Variants in TMOD3 observed in about 807,000 individuals in gnomAD.
TMOD3 encodes tropomodulin 3.
In TMOD3, 20 loss-of-function variants were observed where a neutral mutation model predicts 39.2. The observed-to-expected ratio is 0.51, with a 90% CI of 0.36 to 0.74. The LOEUF is 0.74. TMOD3 is among the 30% of genes least tolerant of loss of function. The pLI is 0.00. For missense variants in TMOD3, 381 were observed against 412.8 expected (o/e 0.92, Z 0.67); for synonymous variants, 143 against 145.8 (o/e 0.98, Z 0.14).
At chr15:51,903,414 G>A (rs1829630035) in intron 9 of TMOD3, among the ~76,000 whole-genome samples, 1 of 152,206 alleles carries the variant, frequency 6.6e-6, no homozygotes. Flanking sequence ...ACATTTCAAC[G>A]TGTTGCCATT....
At chr15:51,873,915 C>G (rs1312028901) in intron 3 of TMOD3, among the ~76,000 whole-genome samples, 1 of 152,202 alleles carries the variant, frequency 6.6e-6, no homozygotes, top group Non-Finnish European at 1.5e-5. Flanking sequence ...GCCACTGCAC[C>G]TGGCCGACTG....
chr15:51,869,148 G>A, intron 2 of TMOD3, 69 bp from the exon 3 acceptor site: 2 of 1,519,000 alleles, frequency 1.3e-6, no homozygotes, highest in Non-Finnish European at 1.8e-6. Flanking sequence ...TTTTATATGG[G>A]TAATCTTCGG....
chr15:51,889,197 G>C, intron 5 of TMOD3, 52 bp downstream of exon 5: 1 of 1,286,816 alleles, frequency 7.8e-7, no homozygotes, highest in Non-Finnish European at 1.1e-6. Flanking sequence ...AATATATTTT[G>C]TTTTCGCCTT....
chr15:51,892,478 G>A (rs1410430374), intron 5 of TMOD3: 1 of 152,230 alleles, frequency 6.6e-6, no homozygotes, highest in Non-Finnish European at 1.5e-5. Flanking sequence ...TGTGTGGGTA[G>A]CTGAGGTAAA....
At chr15:51,837,334 A>G (rs919454864) in intron 1 of TMOD3, among the ~76,000 whole-genome samples, 1 of 152,114 alleles carries the variant, frequency 6.6e-6, no homozygotes, top group Non-Finnish European at 1.5e-5. Flanking sequence ...CCCTGAGGCA[A>G]ACGTGACAAG....
intron 9 of TMOD3, among the ~76,000 whole-genome samples, chr15:51,903,401 G>A (rs902968891): frequency 6.6e-6 from 1 of 152,208 alleles, no homozygotes; most frequent in Non-Finnish European, 1.5e-5. Flanking sequence ...CTCAAAAGGA[G>A]TGACATTTCA....
At chr15:51,882,687 T>G (rs1380889904) in intron 3 of TMOD3, among the ~76,000 whole-genome samples, 1 of 152,210 alleles carries the variant, frequency 6.6e-6, no homozygotes, top group East Asian at 1.9e-4. Context: ...GTCTTTCTAG[T>G]CCACCAACAC....
intron 3 of TMOD3, among the ~76,000 whole-genome samples, chr15:51,870,551 C>T (rs1360176430): frequency 1.3e-5 from 2 of 152,150 alleles, no homozygotes; most frequent in Non-Finnish European, 2.9e-5. Context: ...CACATGGCTA[C>T]CCCTTAGCTG....
At chr15:51,881,979 C>T (rs2056537231) in intron 3 of TMOD3, among the ~76,000 whole-genome samples, 1 of 151,522 alleles carries the variant, frequency 6.6e-6, no homozygotes, top group African/African-American at 2.4e-5. Context: ...ACTGCAACCT[C>T]CGCCTCCCAG....
chr15:51,895,410 G>A (rs570342954), intron 6 of TMOD3, among the ~76,000 whole-genome samples: 5 of 150,438 alleles, frequency 3.3e-5, no homozygotes, highest in Admixed American at 1.3e-4. Flanking sequence ...AGTAGAGATG[G>A]GGTTTCACCA....
Position 51,915,281 on chromosome 15 carries a change from G to A in TMOD3, c.*6471G>A, listed in dbSNP as rs1046005368. On this transcript the variant is annotated 3_prime_UTR_variant, in exon 10 of 10. Transcript: ENST00000308580. ...CTCAGAAAGATAAGCTTTTGATTCA[G>A]TGGTTTCAAATTTTCAGATCAATCC... 2 of 152,082 alleles carry A rather than the reference G, an allele frequency of 1.3e-5. No individual in the cohort carries two copies. Among genetic ancestry groups the A allele is most frequent in the Middle Eastern group, 3.4e-3 (1 of 294 alleles). 9.4% of individuals were successfully genotyped at this position (152,082 alleles called of 1,614,324 possible).
At chr15:51,833,857 T>C (rs1355977175) in intron 1 of TMOD3, among the ~76,000 whole-genome samples, 1 of 152,234 alleles carries the variant, frequency 6.6e-6, no homozygotes, top group Non-Finnish European at 1.5e-5. Flanking sequence ...ATGTGTATGT[T>C]TAACTTTATT....
At chr15:51,852,438 A>AG (rs1468711587) in intron 1 of TMOD3, among the ~76,000 whole-genome samples, 1 of 152,176 alleles carries the variant, frequency 6.6e-6, no homozygotes, top group Non-Finnish European at 1.5e-5. Flanking sequence ...AAAAAAAAAA[A>AG]AAATCAAATT....
At chr15:51,895,194 T>G (rs1478098494) in intron 6 of TMOD3, among the ~76,000 whole-genome samples, 1 of 151,882 alleles carries the variant, frequency 6.6e-6, no homozygotes, top group African/African-American at 2.4e-5. Context: ...AGAGAAAGCT[T>G]ATATTCATAG....
intron 1 of TMOD3, among the ~76,000 whole-genome samples, chr15:51,838,631 T>C (rs998233344): frequency 3.3e-5 from 5 of 152,192 alleles, no homozygotes; most frequent in African/African-American, 1.2e-4. Context: ...TAAAAAATAG[T>C]ATGCATTACT....
At chr15:51,873,079 A>G (rs2056484020) in intron 3 of TMOD3, among the ~76,000 whole-genome samples, 1 of 152,070 alleles carries the variant, frequency 6.6e-6, no homozygotes, top group South Asian at 2.1e-4. Flanking sequence ...TCTGAAATCC[A>G]CCCTAGACTC....
chr15:51,891,624 G>A (rs186843913), intron 5 of TMOD3, among the ~76,000 whole-genome samples: 2 of 152,154 alleles, frequency 1.3e-5, no homozygotes, highest in East Asian at 3.9e-4. Context: ...TTCATTAAGG[G>A]GCAAGGCTCT....
In TMOD3 at chr15:51,839,900, A is replaced by G. The variant is rs375388387; in HGVS notation, c.-75+10064A>G. Among the ~76,000 whole-genome samples the G allele has an allele frequency of 5.9e-5, 9 of 152,222 alleles. No individual in the cohort carries two copies. The East Asian group carries it at 9.6e-4, about 16-fold the overall frequency. On this transcript the variant is annotated intron_variant, in intron 1 of 9. Transcript: ENST00000308580. ...TAATCAAAGAGTGACAATACAGTACAACTTTACTGACTCCGCTCCCAGCCC... is the reference window on the plus strand; with the variant it reads ...TAATCAAAGAGTGACAATACAGTACGACTTTACTGACTCCGCTCCCAGCCC...
intron 1 of TMOD3, among the ~76,000 whole-genome samples, chr15:51,832,205 A>T (rs1413827420): frequency 8.5e-5 from 9 of 106,498 alleles, no homozygotes; most frequent in East Asian, 5.4e-4. Flanking sequence ...AAAAAAAATT[A>T]TATATATATA....
Sources: allele counts gnomAD v4.1 joint callset (sites outside exome capture counted in the v4.1 genomes callset), GRCh38; gene constraint gnomAD v4.1.1; transcripts MANE v1.5; gene names NCBI Gene and HGNC (gene_info 2026-07-23, HGNC 2026-07-21).